The following FRYL variants were observed in gnomAD, a reference collection of about 807,000 sequenced individuals.
FRYL encodes the protein protein furry homolog-like.
A neutral mutation model predicts 351.2 loss-of-function variants in FRYL; 150 were observed. That is an observed-to-expected ratio of 0.43 (90% CI 0.37 to 0.49). FRYL has a LOEUF of 0.49. Among genes scored for constraint, FRYL ranks in the 20% least tolerant of loss-of-function variants. The pLI, the probability that FRYL is intolerant of heterozygous loss-of-function variation, is 0.00. For missense variants in FRYL, 3,036 were observed against 3,619.3 expected, an observed-to-expected ratio of 0.84 and a Z score of 4.13; for synonymous variants, 1,153 against 1,257.1, an observed-to-expected ratio of 0.92 and a Z score of 1.75.
intron 1 of FRYL, among the ~76,000 whole-genome samples, chr4:48,720,481 G>C (rs1769346999): frequency 6.6e-6 from 1 of 151,766 alleles, no homozygotes; most frequent in Non-Finnish European, 1.5e-5. Flanking sequence ...CTGGGCAACA[G>C]AGCAAGACTC....
At chr4:48,677,789 T>C (rs1763962485) in intron 3 of FRYL, among the ~76,000 whole-genome samples, 1 of 152,238 alleles carries the variant, frequency 6.6e-6, no homozygotes, top group Admixed American at 6.5e-5. Context: ...GCTTTGAGAT[T>C]ACATGCCATT....
intron 2 of FRYL, among the ~76,000 whole-genome samples, chr4:48,702,916 A>C (rs1766927211): frequency 6.6e-6 from 1 of 152,198 alleles, no homozygotes; most frequent in African/African-American, 2.4e-5. Flanking sequence ...AAAAAAAATT[A>C]ATCTTGGGAT....
intron 2 of FRYL, among the ~76,000 whole-genome samples, chr4:48,701,374 C>T (rs1308096462): frequency 2.6e-5 from 4 of 152,112 alleles, no homozygotes; most frequent in Non-Finnish European, 1.5e-5. Context: ...TATGAGAAGG[C>T]AACACAATGT....
At chr4:48,725,725 A>T (rs535486626) in intron 1 of FRYL, among the ~76,000 whole-genome samples, 1 of 152,244 alleles carries the variant, frequency 6.6e-6, no homozygotes, top group East Asian at 1.9e-4. Context: ...CTTGTGTTCA[A>T]GTAATCTTTA....
intron 1 of FRYL, among the ~76,000 whole-genome samples, chr4:48,769,312 AC>A (rs1036524437): frequency 7.2e-5 from 11 of 152,238 alleles, no homozygotes; most frequent in Non-Finnish European, 1.5e-4. Flanking sequence ...ACAATAAAAA[AC>A]AATCCCATTT....
intron 53 of FRYL, among the ~76,000 whole-genome samples, chr4:48,525,066 A>G (rs1384902903): frequency 7.0e-6 from 1 of 143,806 alleles, no homozygotes; most frequent in Non-Finnish European, 1.5e-5. Context: ...CACTTTTTGA[A>G]AAAAAAAAAA....
chr4:48,558,172 T>C (rs915555601), intron 33 of FRYL, among the ~76,000 whole-genome samples: 2 of 152,168 alleles, frequency 1.3e-5, no homozygotes, highest in African/African-American at 4.8e-5. Context: ...AACCTAAATG[T>C]CCATTGACAG....
chr4:48,528,416 T>C lies in FRYL; in HGVS notation c.6904-80A>G. 5.0e-6 allele frequency: 5 copies of C among 1,006,374 alleles called. 1 individual carries two copies. The highest frequency in any genetic ancestry group is 5.5e-5 in the South Asian group (2 of 36,296). 62.3% of individuals were successfully genotyped at this position (1,006,374 alleles called of 1,614,324 possible). A position where few individuals can be genotyped will look rare whatever the true frequency, so the allele number is the denominator to read the frequency against. On this transcript the variant is annotated intron_variant, in intron 50 of 63. Coordinates refer to ENST00000358350, the MANE Select transcript of FRYL (RefSeq NM_015030.2). The stretch of plus-strand genomic sequence containing the variant: ...CTTAAAAGGGTTAACAGTGCACCTA[T>C]AATATTTTTTACAAATAAAAAAAAA...
intron 27 of FRYL, among the ~76,000 whole-genome samples, chr4:48,569,229 A>T (rs1737674364): frequency 6.6e-6 from 1 of 152,246 alleles, no homozygotes; most frequent in African/African-American, 2.4e-5. Flanking sequence ...CATCAAGCCC[A>T]CAAGTTTCAA....
intron 2 of FRYL, among the ~76,000 whole-genome samples, chr4:48,701,620 C>T (rs1311855216): frequency 3.3e-5 from 5 of 152,166 alleles, no homozygotes; most frequent in Admixed American, 1.3e-4. Context: ...TGCTGGCTGG[C>T]GCTGATCTAT....
At chr4:48,628,050 C>A (rs1284846439) in intron 4 of FRYL, among the ~76,000 whole-genome samples, 1 of 152,122 alleles carries the variant, frequency 6.6e-6, no homozygotes, top group Admixed American at 6.5e-5. Context: ...GGGTTACAGG[C>A]GTGAGCCACC....
At chr4:48,692,951 C>T (rs1489405133) in intron 2 of FRYL, among the ~76,000 whole-genome samples, 3 of 152,184 alleles carry the variant, frequency 2.0e-5, no homozygotes, top group Admixed American at 6.5e-5. Context: ...TCTTTGTACA[C>T]ATCTTTGATT....
intron 1 of FRYL, among the ~76,000 whole-genome samples, chr4:48,778,499 T>G (rs186487631): frequency 6.6e-6 from 1 of 152,354 alleles, no homozygotes; most frequent in East Asian, 1.9e-4. Context: ...CTACTTTGTT[T>G]ATACGGTTGT....
intron 3 of FRYL, among the ~76,000 whole-genome samples, chr4:48,644,092 C>T (rs958626200): frequency 1.4e-4 from 21 of 151,998 alleles, no homozygotes; most frequent in African/African-American, 4.1e-4. Flanking sequence ...TACAGGCATG[C>T]GCCACCATGC....
chr4:48,545,900 A>T (rs1272741316), intron 42 of FRYL, among the ~76,000 whole-genome samples, 167 bp downstream of exon 42: 3 of 152,340 alleles, frequency 2.0e-5, no homozygotes, highest in East Asian at 3.9e-4. Context: ...CACTGGCACA[A>T]AAGAGTCTTT....
intron 1 of FRYL, among the ~76,000 whole-genome samples, chr4:48,728,341 T>TG (rs1165359762): frequency 2.7e-5 from 4 of 145,866 alleles, no homozygotes; most frequent in Non-Finnish European, 4.5e-5. Context: ...GTAAAAAGAG[T>TG]GGGGGAAAAA....
chr4:48,500,630 T>G (rs1400719380), intron 62 of FRYL, among the ~76,000 whole-genome samples: 1 of 152,198 alleles, frequency 6.6e-6, no homozygotes, highest in African/African-American at 2.4e-5. Flanking sequence ...TTTTACAGAT[T>G]TAATGACTAA....
At position 48,557,603 on chromosome 4, in the gene FRYL, G is replaced by A; in HGVS notation, c.3975C>T (p.Pro1325=). The change falls in exon 34 of 64, where the codon CCC becomes CCT. Residue 1325 remains proline (P), a synonymous_variant. Coordinates refer to ENST00000358350, the MANE Select transcript of FRYL (RefSeq NM_015030.2). The part of the protein sequence containing the change: ...NIELVDLKPL[P]TARRHDEDED... ...CATCTTCATCATGTCGCCTTGCTGT[G>A]GGGAGAGGTTTTAAGTCCACCAGCT... 1 of 1,614,110 alleles carries A rather than the reference G, an allele frequency of 6.2e-7. No homozygotes were observed. The highest frequency in any genetic ancestry group is 8.5e-7 in the Non-Finnish European group (1 of 1,180,026).
intron 7 of FRYL, among the ~76,000 whole-genome samples, chr4:48,612,393 G>T (rs999607434): frequency 6.6e-6 from 1 of 152,044 alleles, no homozygotes; most frequent in African/African-American, 2.4e-5. Flanking sequence ...AGAGCAAAAA[G>T]TTTTTTCCTC....
Sources: gnomAD v4.1 joint callset for allele counts (sites outside exome capture counted in the v4.1 genomes callset) on GRCh38, gnomAD v4.1.1 for gene constraint, MANE v1.5 for transcripts, NCBI Gene and HGNC (gene_info 2026-07-23, HGNC 2026-07-21) for gene names.